The following ZDHHC3 variants were observed in gnomAD, a reference collection of about 807,000 sequenced individuals.
ZDHHC3 encodes zDHHC palmitoyltransferase 3.
ZDHHC3 carries 9 observed loss-of-function variants against 30.6 expected under a neutral mutation model. The observed-to-expected ratio is 0.29, with a 90% CI of 0.18 to 0.51. The LOEUF (loss-of-function observed/expected upper bound fraction) is 0.51, where lower values mean the gene tolerates loss of function less well. Ranked by LOEUF, ZDHHC3 falls within the 20% of genes least tolerant of loss-of-function variation. ZDHHC3 has a pLI of 0.97. For synonymous variants in ZDHHC3, 136 were observed against 140.2 expected (o/e 0.97, Z 0.21); for missense variants, 246 against 384.2 (o/e 0.64, Z 3.01).
chr3:44,928,452 G>T (rs1701195730), intron 6 of ZDHHC3, among the ~76,000 whole-genome samples: 1 of 152,124 alleles, frequency 6.6e-6, no homozygotes, highest in Admixed American at 6.5e-5. Flanking sequence ...TAGACCACTG[G>T]TGAAAGCTGA....
chr3:44,974,615 G>A (rs115151310), intron 1 of ZDHHC3, among the ~76,000 whole-genome samples: 2,721 of 152,286 alleles, frequency 0.018, 42 homozygotes, highest in Middle Eastern at 0.085. Flanking sequence ...CCTTCATTAG[G>A]GAGGAAATCC....
At chr3:44,975,435 G>C (rs979327504) in intron 1 of ZDHHC3, 1 of 152,220 alleles carries the variant, frequency 6.6e-6, no homozygotes, top group Non-Finnish European at 1.5e-5. Context: ...GCCAGTGCCG[G>C]TTACCAAGCG....
rs10576157 is a variant in ZDHHC3, at chr3:44,918,233, CGGGG to C, written c.*8452_*8455del. ...ACCCCCAGCTATAGCATAGCAGTGG[CGGGG>C]GGGGGGGCGGGGTGTCCACGGCATG... On this transcript the variant is annotated 3_prime_UTR_variant, in exon 7 of 7. Transcript: ENST00000424952. The C allele has an allele frequency of 2.6e-6, 3 of 1,152,462 alleles. No individual in the cohort carries two copies. The highest frequency in any genetic ancestry group is 3.3e-5 in the African/African-American group (2 of 60,782). The allele number at this position is 1,152,462 out of a possible 1,614,324, so 71.4% of individuals were successfully genotyped here. A position where few individuals can be genotyped will look rare whatever the true frequency, so the allele number is the denominator to read the frequency against.
intron 6 of ZDHHC3, among the ~76,000 whole-genome samples, chr3:44,929,008 C>T (rs896682405): frequency 2.0e-5 from 3 of 152,094 alleles, no homozygotes. Context: ...TAATGCAGTA[C>T]AGTATAAAGG....
At position 44,925,169 on chromosome 3, in the gene ZDHHC3, C is replaced by T. The variant is rs1322604221; in HGVS notation, c.*1520G>A. The T allele has an allele frequency of 2.0e-6, 2 of 985,894 alleles. No individual in the cohort carries two copies. Among genetic ancestry groups the T allele is most frequent in the Non-Finnish European group, 2.4e-6 (2 of 829,940 alleles). The allele number at this position is 985,894 out of a possible 1,614,324, so 61.1% of individuals were successfully genotyped here. A position where few individuals can be genotyped will look rare whatever the true frequency, so the allele number is the denominator to read the frequency against. ...ACCTCAAGAGAGAGCTAAATCAGAA[C>T]AGGTTTTGGAAAAATTTTATTGCAT... is the stretch of plus-strand genomic sequence containing the variant. On this transcript the variant is annotated 3_prime_UTR_variant, in exon 7 of 7. Coordinates refer to ENST00000424952, the MANE Select transcript of ZDHHC3 (RefSeq NM_001135179.2).
chr3:44,958,623 C>T (rs1196236401), intron 2 of ZDHHC3: 1 of 1,535,946 alleles, frequency 6.5e-7, no homozygotes, highest in East Asian at 2.4e-5. Context: ...ACAGGCTTGT[C>T]CAGCTTTTCA....
chr3:44,942,553 AGAG>A (rs1575839485), intron 3 of ZDHHC3, among the ~76,000 whole-genome samples: 1 of 152,212 alleles, frequency 6.6e-6, no homozygotes, highest in East Asian at 1.9e-4. Flanking sequence ...GGGCTCAGGG[AGAG>A]AAGAGAAAAG....
At chr3:44,929,709 C>G (rs979387245) in intron 5 of ZDHHC3, among the ~76,000 whole-genome samples, 2 of 152,250 alleles carry the variant, frequency 1.3e-5, no homozygotes, top group African/African-American at 4.8e-5. Flanking sequence ...GCCCCCAGTG[C>G]CAAGCACAGT....
chr3:44,970,885 G>A lies in ZDHHC3; in HGVS notation c.-25+5048C>T, dbSNP rs181828811. The stretch of plus-strand genomic sequence containing the variant: ...AATATTCAAATATTTGCATATCCAG[G>A]ATCCATTCTGAGTTTAAAAACCTGG... On this transcript the variant is annotated intron_variant, in intron 1 of 6. Transcript: ENST00000424952. Among the ~76,000 whole-genome samples, 60 of 152,230 alleles carry A rather than the reference G, an allele frequency of 3.9e-4. No homozygotes were observed. The Middle Eastern group carries it at 0.014, about 35-fold the overall frequency.
chr3:44,919,853 AT>A lies in ZDHHC3; in HGVS notation c.*6835del. Reference sequence around the variant, plus strand: ...GTCTGATTTCACAAAAAGTTTAAAAATAATCAATAATCTGAGACAAAGATTT... The same window carrying A: ...GTCTGATTTCACAAAAAGTTTAAAAAAATCAATAATCTGAGACAAAGATTT... On this transcript the variant is annotated 3_prime_UTR_variant, in exon 7 of 7. Coordinates refer to ENST00000424952, the MANE Select transcript of ZDHHC3 (RefSeq NM_001135179.2). The A allele has an allele frequency of 9.9e-7, 1 of 1,005,804 alleles. No individual in the cohort carries two copies. The highest frequency in any genetic ancestry group is 4.1e-5 in the South Asian group (1 of 24,248). The allele number at this position is 1,005,804 out of a possible 1,614,324, so 62.3% of individuals were successfully genotyped here. A position where few individuals can be genotyped will look rare whatever the true frequency, so the allele number is the denominator to read the frequency against.
intron 4 of ZDHHC3, among the ~76,000 whole-genome samples, chr3:44,933,645 T>A (rs919484826): frequency 6.6e-6 from 1 of 152,194 alleles, no homozygotes; most frequent in African/African-American, 2.4e-5. Context: ...ACACTTGGAA[T>A]GGGAGCCCAG....
chr3:44,933,781 C>T lies in ZDHHC3; in HGVS notation c.528+107G>A, dbSNP rs1701704133. On this transcript the variant is annotated intron_variant, in intron 4 of 6. Coordinates refer to ENST00000424952, the MANE Select transcript of ZDHHC3 (RefSeq NM_001135179.2). ...GCAGGAAGGCAGAGATCTACAGGGCCAGGCAGTATTCTGAGCAAAGAACAT... is the reference window on the plus strand; with the variant it reads ...GCAGGAAGGCAGAGATCTACAGGGCTAGGCAGTATTCTGAGCAAAGAACAT... 3 of 1,008,596 alleles carry T rather than the reference C, an allele frequency of 3.0e-6. No individual in the cohort carries two copies. In the East Asian group the frequency reaches 7.1e-5, roughly 24 times the overall value. The allele number at this position is 1,008,596 out of a possible 1,614,324, so 62.5% of individuals were successfully genotyped here.
intron 3 of ZDHHC3, among the ~76,000 whole-genome samples, chr3:44,943,632 TA>T (rs1331475346): frequency 6.6e-6 from 1 of 152,206 alleles, no homozygotes; most frequent in Non-Finnish European, 1.5e-5. Flanking sequence ...CAGTCCTCTA[TA>T]ACCCCTCCCC....
At chr3:44,970,563 C>A (rs568975666) in intron 1 of ZDHHC3, among the ~76,000 whole-genome samples, 1 of 152,232 alleles carries the variant, frequency 6.6e-6, no homozygotes, top group Non-Finnish European at 1.5e-5. Flanking sequence ...TTCTCAGGAG[C>A]AAATTCAACG....
rs1333531443 is a variant in ZDHHC3 at position 44,915,714 on chromosome 3, C to G, written c.*10975G>C. On this transcript the variant is annotated 3_prime_UTR_variant, in exon 7 of 7. Transcript: ENST00000424952. ...GATTCCCTAGAAGAGGAGTTTGAAG[C>G]CCAATGTGCAAGGACATTTCTCAAG... is the stretch of plus-strand genomic sequence containing the variant. The G allele has an allele frequency of 6.6e-6, 1 of 152,244 alleles. No homozygotes were observed. The highest frequency in any genetic ancestry group is 1.5e-5 in the Non-Finnish European group (1 of 68,076). 9.4% of individuals were successfully genotyped at this position (152,244 alleles called of 1,614,324 possible). A position where few individuals can be genotyped will look rare whatever the true frequency, so the allele number is the denominator to read the frequency against.
chr3:44,920,476 G>A lies in ZDHHC3; in HGVS notation c.*6213C>T. On this transcript the variant is annotated 3_prime_UTR_variant, in exon 7 of 7. Coordinates refer to ENST00000424952, the MANE Select transcript of ZDHHC3 (RefSeq NM_001135179.2). ...CTTGGACTCAAAGCCATGACCATAG[G>A]TTTTTATGGCCTCCTTGTGAGGAGG... The A allele has an allele frequency of 8.3e-7, 1 of 1,207,292 alleles. No individual in the cohort carries two copies. Among genetic ancestry groups the A allele is most frequent in the South Asian group, 1.5e-5 (1 of 68,764 alleles). The allele number at this position is 1,207,292 out of a possible 1,614,324, so 74.8% of individuals were successfully genotyped here.
At position 44,926,115 on chromosome 3, in the gene ZDHHC3, T is replaced by C; in HGVS notation, c.*574A>G. On this transcript the variant is annotated 3_prime_UTR_variant, in exon 7 of 7. Transcript: ENST00000424952. ...ATAAAGTACAAGGCAGGCAATTGCT[T>C]TGCGAGTTAGCAGGCAAACCGTGTC... 1.0e-6 allele frequency: 1 copy of C among 985,862 alleles called. No individual in the cohort carries two copies. Among genetic ancestry groups the C allele is most frequent in the Non-Finnish European group, 1.2e-6 (1 of 829,970 alleles). The allele number at this position is 985,862 out of a possible 1,614,324, so 61.1% of individuals were successfully genotyped here.
At chr3:44,948,141 C>A (rs182837171) in intron 2 of ZDHHC3, among the ~76,000 whole-genome samples, 1 of 152,312 alleles carries the variant, frequency 6.6e-6, no homozygotes, top group East Asian at 1.9e-4. Flanking sequence ...AGACTGTCCC[C>A]ACATTCTGCA....
rs1296450172 is a variant in ZDHHC3 at position 44,925,248 on chromosome 3, T to C, written c.*1441A>G. ...ATTGAAAAGTGGCAGCATGTTCCAC[T>C]TACTTTTCTGAAAAATCACATGGCT... On this transcript the variant is annotated 3_prime_UTR_variant, in exon 7 of 7. Transcript: ENST00000424952. 3 of 985,776 alleles carry C rather than the reference T, an allele frequency of 3.0e-6. No individual in the cohort carries two copies. The African/African-American group carries it at 5.2e-5, about 17-fold the overall frequency. The allele number at this position is 985,776 out of a possible 1,614,324, so 61.1% of individuals were successfully genotyped here.
Sources: allele counts gnomAD v4.1 joint callset (sites outside exome capture counted in the v4.1 genomes callset), GRCh38; gene constraint gnomAD v4.1.1; transcripts MANE v1.5; gene names NCBI Gene and HGNC (gene_info 2026-07-23, HGNC 2026-07-21).